DMRT1: variants seen among roughly 807,000 people sequenced by gnomAD.
DMRT1 encodes the protein doublesex- and mab-3-related transcription factor 1.
In DMRT1, 7 loss-of-function variants were observed where a neutral mutation model predicts 32.3. The observed-to-expected ratio is 0.22, with a 90% confidence interval of 0.12 to 0.41. The LOEUF is 0.41. Ranked by LOEUF, DMRT1 falls within the 10% of genes least tolerant of loss-of-function variation. The pLI, the probability that DMRT1 is intolerant of heterozygous loss-of-function variation, is 1.00. For synonymous variants in DMRT1, 278 were observed against 206.1 expected, an observed-to-expected ratio of 1.35 and a Z score of -2.99; for missense variants, 625 against 500.5, an observed-to-expected ratio of 1.25 and a Z score of -2.37.
intron 2 of DMRT1, among the ~76,000 whole-genome samples, chr9:858,259 G>C (rs1815489164): frequency 6.6e-6 from 1 of 152,100 alleles, no homozygotes; most frequent in African/African-American, 2.4e-5. Flanking sequence ...TGTAGCATTG[G>C]GGAACTTTTA....
Position 841,807 on chromosome 9 carries a change from G to A in DMRT1, c.-32G>A. On this transcript the variant is annotated 5_prime_UTR_variant, in exon 1 of 5. Coordinates refer to ENST00000382276, the MANE Select transcript of DMRT1 (RefSeq NM_021951.3). ...CAGCAGTCTCCAGGCGAGAGAGGGG[G>A]CCAGAGTGCTCGCACTTCTCCTAGG... is the stretch of plus-strand genomic sequence containing the variant. 1 of 1,587,452 alleles carries A rather than the reference G, an allele frequency of 6.3e-7. No individual in the cohort carries two copies. The highest frequency in any genetic ancestry group is 8.6e-7 in the Non-Finnish European group (1 of 1,167,452).
intron 1 of DMRT1, among the ~76,000 whole-genome samples, chr9:845,690 T>C (rs1838874146): frequency 6.6e-6 from 1 of 152,092 alleles, no homozygotes; most frequent in Non-Finnish European, 1.5e-5. Context: ...CAACACCAAA[T>C]TCCAGCCCCT....
chr9:923,872 C>CA (rs1310859323), intron 4 of DMRT1, among the ~76,000 whole-genome samples: 7 of 152,100 alleles, frequency 4.6e-5, no homozygotes, highest in Non-Finnish European at 8.8e-5. Context: ...TGCTAAATTT[C>CA]AAAGAAAAGA....
chr9:854,633 G>A (rs1218856858), intron 2 of DMRT1, among the ~76,000 whole-genome samples: 2 of 152,042 alleles, frequency 1.3e-5, no homozygotes, highest in African/African-American at 4.8e-5. Flanking sequence ...AATGAGATCC[G>A]TTTGATTTTA....
At chr9:944,797 T>G (rs1258418018) in intron 4 of DMRT1, among the ~76,000 whole-genome samples, 1 of 152,190 alleles carries the variant, frequency 6.6e-6, no homozygotes, top group Non-Finnish European at 1.5e-5. Flanking sequence ...AAGGTTATGT[T>G]GTCATAAAAT....
At chr9:845,536 A>G (rs1027550638) in intron 1 of DMRT1, among the ~76,000 whole-genome samples, 3 of 150,634 alleles carry the variant, frequency 2.0e-5, no homozygotes, top group African/African-American at 7.3e-5. Context: ...GTGTTATTGA[A>G]GAGGGACCAT....
At chr9:893,137 C>T (rs1217347520) in intron 2 of DMRT1, among the ~76,000 whole-genome samples, 6 of 152,184 alleles carry the variant, frequency 3.9e-5, no homozygotes, top group Non-Finnish European at 1.5e-5. Flanking sequence ...GTGGGCACGG[C>T]AGCTGGCAGA....
At chr9:859,551 T>A (rs1300053841) in intron 2 of DMRT1, among the ~76,000 whole-genome samples, 1 of 152,154 alleles carries the variant, frequency 6.6e-6, no homozygotes, top group African/African-American at 2.4e-5. Context: ...AGCCTGAAGG[T>A]GTCTTCACTT....
At chr9:899,851 G>A (rs1017485900) in intron 3 of DMRT1, among the ~76,000 whole-genome samples, 1 of 152,208 alleles carries the variant, frequency 6.6e-6, no homozygotes, top group Admixed American at 6.5e-5. Context: ...GCGCCCTCTT[G>A]ACTGCTTTTC....
chr9:896,452 A>T (rs117386524), intron 3 of DMRT1, among the ~76,000 whole-genome samples: 1 of 151,290 alleles, frequency 6.6e-6, no homozygotes, highest in Admixed American at 6.6e-5. Flanking sequence ...CTAATCCAAC[A>T]TCCCTTTATT....
At position 858,829 on chromosome 9, in the gene DMRT1, G is replaced by A. The variant is rs999401500; in HGVS notation, c.538+11686G>A. On this transcript the variant is annotated intron_variant, in intron 2 of 4. Coordinates refer to ENST00000382276, the MANE Select transcript of DMRT1 (RefSeq NM_021951.3). Reference sequence around the variant, plus strand: ...TCGGAGGTTGCAGTGAGCTGAGATCGCGCCATTGCACTCCAGTCTGTCTCA... The same window carrying A: ...TCGGAGGTTGCAGTGAGCTGAGATCACGCCATTGCACTCCAGTCTGTCTCA... 5.3e-4 allele frequency among the ~76,000 whole-genome samples: 77 copies of A among 145,820 alleles called. 1 individual carries two copies. Among genetic ancestry groups the A allele is most frequent in the African/African-American group, 1.8e-3 (73 of 39,478 alleles).
chr9:918,250 A>G (rs1217487675), intron 4 of DMRT1, among the ~76,000 whole-genome samples: 1 of 152,260 alleles, frequency 6.6e-6, no homozygotes, highest in East Asian at 1.9e-4. Context: ...TTGGGGATGA[A>G]GCAGTTAAAG....
intron 4 of DMRT1, among the ~76,000 whole-genome samples, chr9:947,586 G>T (rs1272752328): frequency 6.6e-6 from 1 of 152,228 alleles, no homozygotes; most frequent in African/African-American, 2.4e-5. Flanking sequence ...TTTAAATTCT[G>T]GAAGTTGGAG....
chr9:893,797 C>G, intron 2 of DMRT1, 115 bp from the exon 3 acceptor site: 1 of 947,038 alleles, frequency 1.1e-6, no homozygotes, highest in Non-Finnish European at 1.6e-6. Context: ...ATGGTTTTGT[C>G]TTCTGCATAT....
chr9:893,573 A>G lies in DMRT1; in HGVS notation c.539-339A>G, dbSNP rs1210597875. On this transcript the variant is annotated intron_variant, in intron 2 of 4. Coordinates refer to ENST00000382276, the MANE Select transcript of DMRT1 (RefSeq NM_021951.3). ...ATTAATTTTGTTTTAAGAATGCACA[A>G]TCAGGTCAACTAGATTTGCTCTTCA... 3.9e-5 allele frequency among the ~76,000 whole-genome samples: 6 copies of G among 152,364 alleles called. No individual in the cohort carries two copies. The South Asian group carries it at 1.2e-3, about 32-fold the overall frequency.
intron 2 of DMRT1, among the ~76,000 whole-genome samples, chr9:873,455 G>A (rs570782102): frequency 6.9e-4 from 104 of 151,788 alleles, no homozygotes; most frequent in Non-Finnish European, 1.3e-3. Flanking sequence ...ACAGGTGCCT[G>A]CCACCACGCC....
chr9:867,685 A>G (rs1036319666), intron 2 of DMRT1, among the ~76,000 whole-genome samples: 2 of 152,224 alleles, frequency 1.3e-5, no homozygotes. Flanking sequence ...GCCCATGCTC[A>G]TGCCCTACAT....
In DMRT1 at chr9:962,752, A is replaced by G. The variant is rs1819815682; in HGVS notation, c.968-5233A>G. 3.9e-5 allele frequency among the ~76,000 whole-genome samples: 6 copies of G among 152,104 alleles called. No individual in the cohort carries two copies. In the South Asian group the frequency reaches 1.2e-3, roughly 32 times the overall value. The stretch of plus-strand genomic sequence containing the variant: ...TTGCATACCATGTTAATATAAACAA[A>G]AAAGGCTTCTTCCCTTTGCTTCTCG... On this transcript the variant is annotated intron_variant, in intron 4 of 4. Transcript: ENST00000382276.
chr9:903,901 T>C (rs1817678056), intron 3 of DMRT1, among the ~76,000 whole-genome samples: 1 of 152,146 alleles, frequency 6.6e-6, no homozygotes, highest in Non-Finnish European at 1.5e-5. Flanking sequence ...AGTGAAACAT[T>C]AGGTTTTTCA....
Sources: allele counts gnomAD v4.1 joint callset (sites outside exome capture counted in the v4.1 genomes callset), GRCh38; gene constraint gnomAD v4.1.1; transcripts MANE v1.5; gene names NCBI Gene and HGNC (gene_info 2026-07-23, HGNC 2026-07-21).